PCCA: variants seen among roughly 807,000 people sequenced by gnomAD.
PCCA encodes propionyl-CoA carboxylase alpha chain, mitochondrial.
In PCCA, 74 loss-of-function variants were observed where a neutral mutation model predicts 101.3. The observed-to-expected ratio is 0.73, with a 90% CI of 0.61 to 0.89. PCCA has a LOEUF of 0.89. Ranked by LOEUF, PCCA falls within the 40% of genes least tolerant of loss-of-function variation. The pLI is 0.00. For synonymous variants in PCCA, 294 were observed against 313.6 expected (o/e 0.94, Z 0.66); for missense variants, 891 against 907.0 (o/e 0.98, Z 0.23).
At chr13:100,114,563 G>A (rs1577900) in intron 4 of PCCA, among the ~76,000 whole-genome samples, 140,073 of 151,988 alleles carry the variant, frequency 0.92, 64,696 homozygotes, top group East Asian at 0.99. Context: ...GTGCCACTGC[G>A]CTGTAGCGTG....
chr13:100,229,206 T>C (rs1191618632), intron 7 of PCCA, among the ~76,000 whole-genome samples: 1 of 152,198 alleles, frequency 6.6e-6, no homozygotes, highest in Non-Finnish European at 1.5e-5. Flanking sequence ...GAAGAAGTGC[T>C]GGACTGAGAA....
At chr13:100,451,715 CCTCTCTCTCTCT>C (rs71114697) in intron 21 of PCCA, among the ~76,000 whole-genome samples, 40 of 95,986 alleles carry the variant, frequency 4.2e-4, no homozygotes, top group Non-Finnish European at 6.8e-4. Context: ...TCTCCTCTCT[CCTCTCTCTCTCT>C]CTCTCTCTCT....
intron 18 of PCCA, among the ~76,000 whole-genome samples, chr13:100,356,174 A>G (rs1235813001): frequency 6.6e-6 from 1 of 152,176 alleles, no homozygotes; most frequent in East Asian, 1.9e-4. Flanking sequence ...AGAGAAAAAC[A>G]TAGGAGTTAA....
At chr13:100,356,429 A>C (rs1261652810) in intron 18 of PCCA, among the ~76,000 whole-genome samples, 1 of 152,188 alleles carries the variant, frequency 6.6e-6, no homozygotes, top group East Asian at 1.9e-4. Context: ...GATCCAGTTA[A>C]AAGATAGGCA....
intron 1 of PCCA, among the ~76,000 whole-genome samples, chr13:100,101,113 T>A (rs879760885): frequency 8.5e-5 from 13 of 152,190 alleles, no homozygotes; most frequent in Non-Finnish European, 1.5e-4. Flanking sequence ...CGAGTTCTAC[T>A]TCTAGTTACT....
At chr13:100,310,661 A>G (rs1010764231) in intron 16 of PCCA, among the ~76,000 whole-genome samples, 1 of 152,162 alleles carries the variant, frequency 6.6e-6, no homozygotes, top group African/African-American at 2.4e-5. Flanking sequence ...ATACCATTTC[A>G]TGTTTTATAC....
At chr13:100,509,570 G>A (rs998507565) in intron 21 of PCCA, among the ~76,000 whole-genome samples, 1 of 152,116 alleles carries the variant, frequency 6.6e-6, no homozygotes, top group South Asian at 2.1e-4. Flanking sequence ...ATTTTAAAAC[G>A]GAAGCTTTTA....
At chr13:100,472,118 G>C (rs866283624) in intron 21 of PCCA, among the ~76,000 whole-genome samples, 25 of 152,188 alleles carry the variant, frequency 1.6e-4, no homozygotes, top group Admixed American at 2.0e-4. Context: ...CCCTATTTCT[G>C]TAAGCGCGAA....
chr13:100,430,231 A>T (rs1004036105), intron 20 of PCCA, among the ~76,000 whole-genome samples: 8 of 152,114 alleles, frequency 5.3e-5, no homozygotes, highest in Admixed American at 5.2e-4. Flanking sequence ...GCGCCATTGC[A>T]CTCCAGCCTG....
At chr13:100,452,939 C>T (rs2081440738) in intron 21 of PCCA, among the ~76,000 whole-genome samples, 1 of 151,982 alleles carries the variant, frequency 6.6e-6, no homozygotes, top group African/African-American at 2.4e-5. Context: ...CTCGGTGGCT[C>T]GTGCCTATAA....
chr13:100,155,205 T>G, intron 5 of PCCA, 113 bp downstream of exon 5: 1 of 763,110 alleles, frequency 1.3e-6, no homozygotes, highest in Non-Finnish European at 2.3e-6. Flanking sequence ...GCTGTTGCAG[T>G]TAGTTCATGT....
intron 22 of PCCA, among the ~76,000 whole-genome samples, chr13:100,523,069 G>A (rs555671857): frequency 9.2e-4 from 140 of 152,106 alleles, no homozygotes; most frequent in African/African-American, 3.3e-3. Context: ...AGCGTTCTTC[G>A]TGGTCATGGC....
At chr13:100,493,339 G>C (rs1189485994) in intron 21 of PCCA, among the ~76,000 whole-genome samples, 1 of 152,190 alleles carries the variant, frequency 6.6e-6, no homozygotes, top group Admixed American at 6.5e-5. Context: ...AGGCCTGTTG[G>C]GTGGATGTGG....
chr13:100,514,833 A>G (rs1484689821), intron 21 of PCCA, among the ~76,000 whole-genome samples: 1 of 152,244 alleles, frequency 6.6e-6, no homozygotes, highest in Non-Finnish European at 1.5e-5. Flanking sequence ...CAGAAAGACT[A>G]CATAGTGCCT....
intron 12 of PCCA, among the ~76,000 whole-genome samples, chr13:100,286,836 A>G (rs1444204750): frequency 1.3e-5 from 2 of 150,002 alleles, no homozygotes; most frequent in South Asian, 2.1e-4. Flanking sequence ...TTCCTTATCT[A>G]TTGCCTTTTT....
At chr13:100,121,831 A>G (rs549912528) in intron 4 of PCCA, among the ~76,000 whole-genome samples, 5 of 152,142 alleles carry the variant, frequency 3.3e-5, no homozygotes, top group Non-Finnish European at 7.4e-5. Context: ...ACTTCTTTCC[A>G]TCTGGATGCT....
At chr13:100,213,312 A>G (rs937814212) in intron 7 of PCCA, among the ~76,000 whole-genome samples, 2 of 152,158 alleles carry the variant, frequency 1.3e-5, no homozygotes, top group Admixed American at 1.3e-4. Context: ...AGGAACCTCT[A>G]TACTGTTCTC....
intron 16 of PCCA, among the ~76,000 whole-genome samples, chr13:100,316,219 A>G (rs1347801430): frequency 3.3e-5 from 5 of 152,236 alleles, no homozygotes; most frequent in Non-Finnish European, 5.9e-5. Context: ...TTAGTTTTGC[A>G]TAGTCATATA....
At chr13:100,115,424 A>C (rs1250925858) in intron 4 of PCCA, among the ~76,000 whole-genome samples, 1 of 152,176 alleles carries the variant, frequency 6.6e-6, no homozygotes, top group Non-Finnish European at 1.5e-5. Context: ...AGGGAATAGA[A>C]TTGGGATGCT....
Sources: gnomAD v4.1 joint callset for allele counts (sites outside exome capture counted in the v4.1 genomes callset) on GRCh38, gnomAD v4.1.1 for gene constraint, MANE v1.5 for transcripts, NCBI Gene and HGNC (gene_info 2026-07-23, HGNC 2026-07-21) for gene names.